TAF1B: variants seen among roughly 807,000 people sequenced by gnomAD.
The protein encoded by TAF1B is TATA-box binding protein associated factor, RNA polymerase I subunit B.
A neutral mutation model predicts 83.9 loss-of-function variants in TAF1B; 61 were observed. The observed-to-expected ratio is 0.73, with a 90% CI of 0.59 to 0.90. The LOEUF is 0.90. Ranked by LOEUF, TAF1B falls within the 40% of genes least tolerant of loss-of-function variation. The pLI is 0.00. For synonymous variants in TAF1B, 221 were observed against 224.6 expected, an observed-to-expected ratio of 0.98 and a Z score of 0.14; for missense variants, 625 against 677.0, an observed-to-expected ratio of 0.92 and a Z score of 0.85.
At position 9,909,663 on chromosome 2, in the gene TAF1B, C is replaced by T. The variant is rs76984635; in HGVS notation, c.956-1073C>T. On this transcript the variant is annotated intron_variant, in intron 9 of 14. Coordinates refer to ENST00000263663, the MANE Select transcript of TAF1B (RefSeq NM_005680.3). ...AGGGTGGCCTAAGGAGCAACAGTGA[C>T]GGGAAGAAAGGGGATGGATTGGAAA... Among the ~76,000 whole-genome samples, 293 of 152,194 alleles carry T rather than the reference C, an allele frequency of 1.9e-3. 1 individual carries two copies. Among genetic ancestry groups the T allele is most frequent in the Admixed American group, 3.5e-3 (54 of 15,302 alleles).
chr2:9,877,846 CCT>C (rs753251828), intron 7 of TAF1B, among the ~76,000 whole-genome samples: 1 of 151,252 alleles, frequency 6.6e-6, no homozygotes, highest in African/African-American at 2.4e-5. Context: ...CCTCTTTTCT[CCT>C]CTCTCTCTCT....
intron 1 of TAF1B, 172 bp downstream of exon 1, chr2:9,843,731 G>T: frequency 1.5e-6 from 1 of 654,758 alleles, no homozygotes; most frequent in Non-Finnish European, 2.4e-6. Flanking sequence ...GGCCGCATGC[G>T]CGCGCGGCTT....
At chr2:9,890,506 T>C (rs950044950) in intron 8 of TAF1B, among the ~76,000 whole-genome samples, 11 of 152,208 alleles carry the variant, frequency 7.2e-5, no homozygotes, top group African/African-American at 2.7e-4. Flanking sequence ...TTGTAGTCTC[T>C]GTTCATGAAT....
At position 9,854,516 on chromosome 2, in the gene TAF1B, A is replaced by G. The variant is rs1203343579; in HGVS notation, c.399+95A>G. ...ATGACCAGTTTGAGTATCTGAGATT[A>G]TGATGCTTGTCAGAGGATTTTCAGT... On this transcript the variant is annotated intron_variant, in intron 5 of 14. Transcript: ENST00000263663. 14 of 847,910 alleles carry G rather than the reference A, an allele frequency of 1.7e-5. No homozygotes were observed. In the East Asian group the frequency reaches 3.4e-4, roughly 20 times the overall value. The allele number at this position is 847,910 out of a possible 1,614,324, so 52.5% of individuals were successfully genotyped here.
At chr2:9,876,427 A>G (rs1664322409) in intron 7 of TAF1B, among the ~76,000 whole-genome samples, 1 of 152,238 alleles carries the variant, frequency 6.6e-6, no homozygotes, top group African/African-American at 2.4e-5. Context: ...GCTAAAATAT[A>G]GGTTGTCTAT....
chr2:9,845,420 A>T (rs1663173879), intron 2 of TAF1B, 102 bp downstream of exon 2: 4 of 880,434 alleles, frequency 4.5e-6, no homozygotes, highest in South Asian at 1.5e-5. Context: ...GATTTTTGTC[A>T]CTCATGCAAT....
Position 9,917,912 on chromosome 2 carries a change from A to G in TAF1B, c.1272-1129A>G, listed in dbSNP as rs374404146. On this transcript the variant is annotated intron_variant, in intron 12 of 14. Coordinates refer to ENST00000263663, the MANE Select transcript of TAF1B (RefSeq NM_005680.3). The stretch of plus-strand genomic sequence containing the variant: ...ACGGTGAAACCCCGTCTCTACTAAA[A>G]ATACAAAAAATTAGCCGGGCGTAGT... Among the ~76,000 whole-genome samples the G allele has an allele frequency of 3.9e-3, 591 of 151,928 alleles. 3 individuals carry two copies. Among genetic ancestry groups the G allele is most frequent in the African/African-American group, 0.013 (550 of 41,468 alleles).
Position 9,927,048 on chromosome 2 carries a change from G to A in TAF1B, c.1566-6735G>A, listed in dbSNP as rs549815866. 6.0e-5 allele frequency among the ~76,000 whole-genome samples: 7 copies of A among 116,742 alleles called. No homozygotes were observed. The East Asian group carries it at 1.8e-3, about 30-fold the overall frequency. 76.6% of individuals were successfully genotyped at this position (116,742 alleles called of 152,430 possible). A position where few individuals can be genotyped will look rare whatever the true frequency, so the allele number is the denominator to read the frequency against. ...CCCCCACCCCACGACAGGCCCCAGT[G>A]TGTGATGTTCCCCGCCCTGTGTCCA... is the stretch of plus-strand genomic sequence containing the variant. On this transcript the variant is annotated intron_variant, in intron 14 of 14. Transcript: ENST00000263663.
chr2:9,912,152 A>C (rs1665552422), intron 11 of TAF1B, among the ~76,000 whole-genome samples: 1 of 152,200 alleles, frequency 6.6e-6, no homozygotes, highest in African/African-American at 2.4e-5. Context: ...GATTGCCAAT[A>C]TTTGTAAAGT....
chr2:9,862,376 G>A (rs777903653), intron 5 of TAF1B, among the ~76,000 whole-genome samples: 3 of 152,120 alleles, frequency 2.0e-5, no homozygotes, highest in African/African-American at 7.2e-5. Context: ...GAAATGAAGC[G>A]AGAAGAGAAG....
intron 14 of TAF1B, 40 bp downstream of exon 14, chr2:9,919,860 A>G (rs1349959924): frequency 6.4e-7 from 1 of 1,565,844 alleles, no homozygotes. Flanking sequence ...TAATTGAAGT[A>G]GTTGACTGTA....
chr2:9,874,017 C>G (rs1267706268), intron 6 of TAF1B, among the ~76,000 whole-genome samples: 2 of 152,074 alleles, frequency 1.3e-5, no homozygotes, highest in African/African-American at 2.4e-5. Flanking sequence ...AAATAATGAC[C>G]TACAAAATTC....
chr2:9,925,852 G>C (rs1041835276), intron 14 of TAF1B, among the ~76,000 whole-genome samples: 1 of 152,132 alleles, frequency 6.6e-6, no homozygotes, highest in Non-Finnish European at 1.5e-5. Flanking sequence ...TGGGATTACA[G>C]GCATGAGCCA....
At chr2:9,927,056 T>C (rs1469260060) in intron 14 of TAF1B, among the ~76,000 whole-genome samples, 1 of 113,390 alleles carries the variant, frequency 8.8e-6, no homozygotes, top group Admixed American at 1.2e-4. Context: ...GTGTGTGATG[T>C]TCCCCGCCCT....
At chr2:9,908,321 A>AG (rs1472844197) in intron 9 of TAF1B, among the ~76,000 whole-genome samples, 1 of 152,040 alleles carries the variant, frequency 6.6e-6, no homozygotes, top group Non-Finnish European at 1.5e-5. Context: ...TGCTGGGATT[A>AG]CAGGCGTGAG....
At chr2:9,901,411 C>T (rs1415041917) in intron 8 of TAF1B, among the ~76,000 whole-genome samples, 3 of 152,156 alleles carry the variant, frequency 2.0e-5, no homozygotes, top group Non-Finnish European at 4.4e-5. Context: ...GCCTCTTTGT[C>T]ACCAGATGTT....
intron 8 of TAF1B, among the ~76,000 whole-genome samples, chr2:9,883,123 T>C (rs553212710): frequency 1.1e-4 from 16 of 152,314 alleles, no homozygotes; most frequent in Middle Eastern, 3.4e-3. Context: ...AAATAAAATA[T>C]GTGTTTTGTT....
At chr2:9,868,580 T>A in intron 6 of TAF1B, 151 bp downstream of exon 6, 1 of 1,106,700 alleles carries the variant, frequency 9.0e-7, no homozygotes, top group Non-Finnish European at 1.3e-6. Flanking sequence ...ATCATATGGC[T>A]AAGACAAACT....
intron 14 of TAF1B, among the ~76,000 whole-genome samples, chr2:9,929,114 T>A (rs1666130616): frequency 6.6e-6 from 1 of 150,762 alleles, no homozygotes; most frequent in South Asian, 2.1e-4. Context: ...TCTATTGAGA[T>A]AATCAGGTGG....
Sources: allele counts gnomAD v4.1 joint callset (sites outside exome capture counted in the v4.1 genomes callset), GRCh38; gene constraint gnomAD v4.1.1; transcripts MANE v1.5; gene names NCBI Gene and HGNC (gene_info 2026-07-23, HGNC 2026-07-21).